Variants in ZNF516 observed in about 807,000 individuals in gnomAD.
ZNF516 encodes the protein zinc finger protein 516.
In ZNF516, 19 loss-of-function variants were observed where a neutral mutation model predicts 79.7. The observed-to-expected ratio is 0.24, with a 90% CI of 0.17 to 0.35. The LOEUF (loss-of-function observed/expected upper bound fraction) is 0.35, where lower values mean the gene tolerates loss of function less well. ZNF516 is among the 10% of genes least tolerant of loss of function. The probability of loss-of-function intolerance (pLI) is 1.00; values close to 1 mark genes in which losing one functional copy is unlikely to be tolerated. For missense variants in ZNF516, 1,678 were observed against 1,679.5 expected, an observed-to-expected ratio of 1.00 and a Z score of 0.02; for synonymous variants, 877 against 739.5, an observed-to-expected ratio of 1.19 and a Z score of -3.02.
Position 76,370,243 on chromosome 18 carries a change from G to T in ZNF516, c.3432+285C>A, listed in dbSNP as rs966488180. On this transcript the variant is annotated intron_variant, in intron 6 of 6. Coordinates refer to ENST00000443185, the MANE Select transcript of ZNF516 (RefSeq NM_014643.4). Reference sequence around the variant, plus strand: ...CCATCTTGGAAAAACTGAGTTTCTAGTGTTTGCAGTCACCGCCAGTCTATC... The same window carrying T: ...CCATCTTGGAAAAACTGAGTTTCTATTGTTTGCAGTCACCGCCAGTCTATC... Among the ~76,000 whole-genome samples the T allele has an allele frequency of 2.6e-5, 4 of 152,218 alleles. No individual in the cohort carries two copies. The East Asian group carries it at 7.7e-4, about 29-fold the overall frequency.
intron 6 of ZNF516, among the ~76,000 whole-genome samples, chr18:76,366,917 A>G (rs1179545268): frequency 6.6e-6 from 1 of 152,156 alleles, no homozygotes; most frequent in Non-Finnish European, 1.5e-5. Flanking sequence ...CCAATAGATT[A>G]TATTATCTGG....
chr18:76,466,425 C>T (rs139694173), intron 1 of ZNF516, among the ~76,000 whole-genome samples: 1 of 152,226 alleles, frequency 6.6e-6, no homozygotes, highest in Non-Finnish European at 1.5e-5. Flanking sequence ...GCCACGTGGA[C>T]GGGATGCTGG....
In ZNF516 at chr18:76,379,868, G is replaced by A. The variant is rs376257792; in HGVS notation, c.2246C>T (p.Thr749Met). 6.9e-5 allele frequency: 112 copies of A among 1,613,896 alleles called. No individual in the cohort carries two copies. The highest frequency in any genetic ancestry group is 6.4e-4 in the African/African-American group (48 of 75,038). ...STRDDPSNKE[T>M]ASSLQAALVV... is the part of the protein sequence containing the mutation. Reference sequence around the variant, plus strand: ...TAAAGCCGCCTGCAGGGAGGAGGCCGTCTCCTTATTGCTGGGGTCATCCCG... The same window carrying A: ...TAAAGCCGCCTGCAGGGAGGAGGCCATCTCCTTATTGCTGGGGTCATCCCG... Residue 749 changes from threonine (T) to methionine (M), a missense_variant, in exon 4 of 7, where the codon ACG (threonine) becomes ATG (methionine). Thr to Met is a moderately conservative substitution (Grantham distance 81, BLOSUM62 -1). Transcript: ENST00000443185.
At position 76,380,208 on chromosome 18, in the gene ZNF516, C is replaced by T; in HGVS notation, c.1906G>A (p.Glu636Lys). The T allele has an allele frequency of 1.9e-6, 3 of 1,614,032 alleles. No homozygotes were observed. Among genetic ancestry groups the T allele is most frequent in the African/African-American group, 1.3e-5 (1 of 75,058 alleles). Residue 636 changes from glutamate to lysine, a missense_variant, in exon 4 of 7, where the codon GAA (glutamate) becomes AAA (lysine). Physicochemically the swap from Glu to Lys is moderately conservative, Grantham distance 56 (BLOSUM62 1). Coordinates refer to ENST00000443185, the MANE Select transcript of ZNF516 (RefSeq NM_014643.4). ...QSHKMGDNAS[E>K]RDTGESKAGI... ...GCCTTGGACTCGCCGGTGTCTCTTT[C>T]CGAGGCGTTATCTCCCATCTTGTGA...
chr18:76,418,955 G>A (rs534687374), intron 3 of ZNF516, among the ~76,000 whole-genome samples: 3 of 152,344 alleles, frequency 2.0e-5, no homozygotes, highest in South Asian at 2.1e-4. Flanking sequence ...ACCTCATTCC[G>A]CAGACGAAAA....
chr18:76,405,354 T>C (rs1209891968), intron 3 of ZNF516, among the ~76,000 whole-genome samples: 3 of 152,188 alleles, frequency 2.0e-5, no homozygotes, highest in Non-Finnish European at 4.4e-5. Context: ...CGCCTCAGCC[T>C]CCACCCCACA....
At chr18:76,402,725 C>A (rs1046807268) in intron 3 of ZNF516, among the ~76,000 whole-genome samples, 1 of 152,258 alleles carries the variant, frequency 6.6e-6, no homozygotes, top group Non-Finnish European at 1.5e-5. Context: ...CTGACTCTCA[C>A]GTGATTTCTC....
intron 1 of ZNF516, 61 bp from the exon 2 acceptor site, chr18:76,463,202 C>T (rs544843850): frequency 2.0e-4 from 30 of 152,338 alleles, no homozygotes; most frequent in African/African-American, 7.2e-4. Context: ...TTTGCCACTG[C>T]TTCTCTTTAA....
At chr18:76,452,449 G>A (rs895229936) in intron 2 of ZNF516, among the ~76,000 whole-genome samples, 9 of 152,294 alleles carry the variant, frequency 5.9e-5, no homozygotes, top group East Asian at 1.9e-4. Flanking sequence ...GCTTTAGTAC[G>A]CGAACTCTGA....
chr18:76,422,632 C>G (rs923573996), intron 3 of ZNF516, among the ~76,000 whole-genome samples: 1 of 151,852 alleles, frequency 6.6e-6, no homozygotes, highest in African/African-American at 2.4e-5. Flanking sequence ...GCAGACATAC[C>G]CTAGCACAGA....
chr18:76,456,256 G>A (rs561773049), intron 2 of ZNF516, among the ~76,000 whole-genome samples: 2 of 152,328 alleles, frequency 1.3e-5, no homozygotes, highest in South Asian at 2.1e-4. Flanking sequence ...ACTCTGGGGC[G>A]ATGAGCAGTA....
At chr18:76,430,267 A>C (rs1269059414) in intron 3 of ZNF516, among the ~76,000 whole-genome samples, 1 of 152,178 alleles carries the variant, frequency 6.6e-6, no homozygotes, top group Non-Finnish European at 1.5e-5. Flanking sequence ...ATTTCAATCC[A>C]TTCCACTCCT....
chr18:76,495,343 C>T (rs1007017879), upstream of ZNF516, among the ~76,000 whole-genome samples: 13 of 144,458 alleles, frequency 9.0e-5, no homozygotes, highest in Admixed American at 2.1e-4. Flanking sequence ...GCGCGCGCCC[C>T]GGACGCGTCC....
Position 76,493,521 on chromosome 18 carries a change from C to T in ZNF516, c.-272+1623G>A, listed in dbSNP as rs1166025057. Reference sequence around the variant, plus strand: ...AAGCATGCGCCAGCAATCGTGTTTCCTTAAGAAAGAACTGACCTATTTTTG... The same window carrying T: ...AAGCATGCGCCAGCAATCGTGTTTCTTTAAGAAAGAACTGACCTATTTTTG... On this transcript the variant is annotated intron_variant, in intron 1 of 6. Transcript: ENST00000443185. The surrounding 1 kb of genome is among the most constrained non-coding windows in gnomAD (Gnocchi z 5.2). 2 of 152,338 alleles carry T rather than the reference C, an allele frequency of 1.3e-5. No individual in the cohort carries two copies. Among genetic ancestry groups the T allele is most frequent in the African/African-American group, 2.4e-5 (1 of 41,558 alleles). The allele number at this position is 152,338 out of a possible 1,614,324, so 9.4% of individuals were successfully genotyped here.
chr18:76,401,035 T>C (rs2075212483), intron 3 of ZNF516, among the ~76,000 whole-genome samples: 1 of 152,180 alleles, frequency 6.6e-6, no homozygotes. Flanking sequence ...TCTCCTATTT[T>C]TAAAAAGAGG....
intron 2 of ZNF516, among the ~76,000 whole-genome samples, chr18:76,455,505 A>G (rs114117743): frequency 0.011 from 1,702 of 152,318 alleles, 35 homozygotes; most frequent in African/African-American, 0.039. Flanking sequence ...TCAAGGACTC[A>G]GGCCCACCTA....
At chr18:76,405,983 T>G (rs1258234862) in intron 3 of ZNF516, among the ~76,000 whole-genome samples, 2 of 151,922 alleles carry the variant, frequency 1.3e-5, no homozygotes, top group Non-Finnish European at 2.9e-5. Flanking sequence ...AACTCAGTCA[T>G]GCCTGGCCCT....
At chr18:76,419,431 A>G (rs2075478316) in intron 3 of ZNF516, among the ~76,000 whole-genome samples, 1 of 152,184 alleles carries the variant, frequency 6.6e-6, no homozygotes, top group African/African-American at 2.4e-5. Flanking sequence ...CCTTATCTGC[A>G]TTTTCTACAA....
At position 76,442,726 on chromosome 18, in the gene ZNF516, C is replaced by T. The variant is rs1160546606; in HGVS notation, c.329G>A (p.Gly110Asp). ...APLGEMRASEGLDACASPTKS... is the reference protein window; with the variant it reads ...APLGEMRASEDLDACASPTKS... ...GGTGGGGCTGGCGCAGGCGTCCAGG[C>T]CCTCGGAGGCGCGCATCTCACCCAG... Residue 110 changes from glycine to aspartate, a missense_variant, in exon 3 of 7, where the codon GGC (glycine) becomes GAC (aspartate). Gly to Asp is a moderately conservative substitution (Grantham distance 94). Coordinates refer to ENST00000443185, the MANE Select transcript of ZNF516 (RefSeq NM_014643.4). 1.3e-6 allele frequency: 2 copies of T among 1,580,582 alleles called. No homozygotes were observed. Among genetic ancestry groups the T allele is most frequent in the East Asian group, 2.3e-5 (1 of 42,738 alleles).
Sources: allele counts gnomAD v4.1 joint callset (sites outside exome capture counted in the v4.1 genomes callset), GRCh38; gene constraint gnomAD v4.1.1; non-coding constraint Gnocchi (gnomAD v3.1); transcripts MANE v1.5; gene names NCBI Gene and HGNC (gene_info 2026-07-23, HGNC 2026-07-21).